MCTP1: variants seen among roughly 807,000 people sequenced by gnomAD.
MCTP1 encodes the protein multiple C2 and transmembrane domain containing 1, also known as multiple C2 and transmembrane domain-containing protein 1.
In MCTP1, 69 loss-of-function variants were observed where a neutral mutation model predicts 120.6. That is an observed-to-expected ratio of 0.57 (90% CI 0.47 to 0.70). MCTP1 has a LOEUF of 0.70. Among genes scored for constraint, MCTP1 ranks in the 30% least tolerant of loss-of-function variants. The probability of loss-of-function intolerance (pLI) is 0.00; values close to 1 mark genes in which losing one functional copy is unlikely to be tolerated. For missense variants in MCTP1, 1,203 were observed against 1,248.8 expected (o/e 0.96, Z 0.55); for synonymous variants, 529 against 493.1 (o/e 1.07, Z -0.96).
intron 1 of MCTP1, among the ~76,000 whole-genome samples, chr5:95,109,603 C>T (rs530373179): frequency 7.2e-5 from 11 of 152,170 alleles, no homozygotes; most frequent in African/African-American, 2.6e-4. Flanking sequence ...AAGTTCAAGT[C>T]TAATTTTATA....
Position 94,779,448 on chromosome 5 carries a change from C to T in MCTP1, c.2557-285G>A, listed in dbSNP as rs549108436. Among the ~76,000 whole-genome samples the T allele has an allele frequency of 4.3e-4, 65 of 152,190 alleles. No individual in the cohort carries two copies. In the South Asian group the frequency reaches 6.8e-3, roughly 16 times the overall value. On this transcript the variant is annotated intron_variant, in intron 18 of 22. Transcript: ENST00000515393. The stretch of plus-strand genomic sequence containing the variant: ...TAAACCAATATTAATTTGGGGGATG[C>T]TTTAAATCAGGAAATTTCCCTTCTA...
At chr5:94,885,980 CTT>C (rs376528184) in intron 12 of MCTP1, among the ~76,000 whole-genome samples, 4 of 152,116 alleles carry the variant, frequency 2.6e-5, no homozygotes, top group African/African-American at 4.8e-5. Context: ...GAGTTAATCT[CTT>C]TTTTAAATCT....
intron 19 of MCTP1, among the ~76,000 whole-genome samples, chr5:94,778,656 C>T (rs984182175): frequency 6.6e-6 from 1 of 152,286 alleles, no homozygotes; most frequent in East Asian, 1.9e-4. Context: ...TCCTCTGGAG[C>T]ACTCGGCACA....
At chr5:95,088,439 A>G (rs921315101) in intron 1 of MCTP1, among the ~76,000 whole-genome samples, 21 of 152,246 alleles carry the variant, frequency 1.4e-4, no homozygotes, top group African/African-American at 4.8e-4. Context: ...AATCATTGGC[A>G]CCATGGAGCA....
rs113042788 is a variant in MCTP1 at position 95,157,084 on chromosome 5, A to T, written c.720+126772T>A. ...TTATAATTTACTCTGTGGCCCTAAT[A>T]CTTTTTTGAAGTAGTTATGTGAAAA... On this transcript the variant is annotated intron_variant, in intron 1 of 22. Transcript: ENST00000515393. 6.7e-3 allele frequency among the ~76,000 whole-genome samples: 1,021 copies of T among 152,294 alleles called. 10 individuals carry two copies. The highest frequency in any genetic ancestry group is 0.024 in the African/African-American group (993 of 41,556).
chr5:95,152,599 G>A (rs1441081766), intron 1 of MCTP1, among the ~76,000 whole-genome samples: 1 of 152,170 alleles, frequency 6.6e-6, no homozygotes, highest in Non-Finnish European at 1.5e-5. Context: ...ATTAACGAGG[G>A]TTATCGTTAA....
chr5:94,725,846 T>C (rs1015238939), intron 19 of MCTP1, among the ~76,000 whole-genome samples: 3 of 152,204 alleles, frequency 2.0e-5, no homozygotes, highest in African/African-American at 7.2e-5. Context: ...ATTGAAGCCA[T>C]AAAATCCATA....
At chr5:94,879,305 A>G (rs1363334310) in intron 12 of MCTP1, among the ~76,000 whole-genome samples, 1 of 152,134 alleles carries the variant, frequency 6.6e-6, no homozygotes. Flanking sequence ...ATCAATAGCT[A>G]TATTTAAATG....
intron 1 of MCTP1, among the ~76,000 whole-genome samples, chr5:95,212,224 G>A (rs182235235): frequency 2.0e-4 from 30 of 152,220 alleles, no homozygotes; most frequent in African/African-American, 4.6e-4. Context: ...TACCATCAGC[G>A]AATACTACAA....
intron 1 of MCTP1, among the ~76,000 whole-genome samples, chr5:95,146,072 T>C (rs1353761943): frequency 6.6e-6 from 1 of 152,116 alleles, no homozygotes; most frequent in Admixed American, 6.6e-5. Context: ...TTGTTATTGG[T>C]CCGTTCAGAT....
At chr5:94,711,155 G>C (rs553854061) in intron 20 of MCTP1, among the ~76,000 whole-genome samples, 2 of 152,164 alleles carry the variant, frequency 1.3e-5, no homozygotes, top group Admixed American at 1.3e-4. Context: ...ATTGTTCCAG[G>C]TGACTTCAGA....
intron 17 of MCTP1, among the ~76,000 whole-genome samples, chr5:94,852,312 T>C (rs550081090): frequency 2.0e-5 from 3 of 152,010 alleles, no homozygotes; most frequent in Admixed American, 2.0e-4. Context: ...GAATTATTAA[T>C]TAAGGGTAAA....
intron 1 of MCTP1, among the ~76,000 whole-genome samples, chr5:95,097,609 C>A (rs535907415): frequency 2.0e-4 from 30 of 152,252 alleles, no homozygotes; most frequent in Admixed American, 1.8e-3. Flanking sequence ...TGGTTTCCAT[C>A]ATGGGAAGTT....
Position 95,090,531 on chromosome 5 carries a change from T to C in MCTP1, c.721-73047A>G, listed in dbSNP as rs1162730015. 1.2e-4 allele frequency among the ~76,000 whole-genome samples: 19 copies of C among 152,304 alleles called. 1 individual carries two copies. In the East Asian group the frequency reaches 3.7e-3, roughly 29 times the overall value. On this transcript the variant is annotated intron_variant, in intron 1 of 22. Transcript: ENST00000515393. ...TTCACAAGGCAGAGCAGGTATGCAG[T>C]GCACAGATACACGTGGAGTTGTGCG...
chr5:95,126,032 A>C (rs966355407), intron 1 of MCTP1, among the ~76,000 whole-genome samples: 1 of 152,236 alleles, frequency 6.6e-6, no homozygotes, highest in Non-Finnish European at 1.5e-5. Context: ...AAAAAATTTC[A>C]GTAAAGAACA....
chr5:94,948,526 G>A (rs185400644), intron 3 of MCTP1, among the ~76,000 whole-genome samples: 23 of 152,172 alleles, frequency 1.5e-4, no homozygotes, highest in Admixed American at 1.1e-3. Flanking sequence ...TTTGAATCAT[G>A]TGAAACAAAA....
chr5:94,802,842 T>G (rs1324230560), intron 17 of MCTP1, among the ~76,000 whole-genome samples: 3 of 152,214 alleles, frequency 2.0e-5, no homozygotes, highest in Non-Finnish European at 4.4e-5. Context: ...TTTCTGGAAT[T>G]GCTTTTTGCC....
chr5:95,284,476 T>C lies in MCTP1; in HGVS notation c.100A>G (p.Arg34Gly). 1 of 1,392,238 alleles carries C rather than the reference T, an allele frequency of 7.2e-7. No individual in the cohort carries two copies. Among genetic ancestry groups the C allele is most frequent in the African/African-American group, 1.5e-5 (1 of 67,328 alleles). The allele number at this position is 1,392,238 out of a possible 1,614,324, so 86.2% of individuals were successfully genotyped here. A position where few individuals can be genotyped will look rare whatever the true frequency, so the allele number is the denominator to read the frequency against. The part of the protein sequence containing the change: ...LWKNLQLGVG[R>G]SKGGGGGRAG... ...CGCCCGCCCCCGCCGCCCTTGCTCC[T>C]GCCCACCCCCAGCTGCAGGTTCTTC... Residue 34 changes from arginine (R) to glycine (G), a missense_variant, in exon 1 of 23, where the codon AGG (arginine) becomes GGG (glycine). Coordinates refer to ENST00000515393, the MANE Select transcript of MCTP1 (RefSeq NM_024717.7). This position sits in a 1 kb window ranked among gnomAD's most constrained non-coding sequence, Gnocchi z 5.2.
At chr5:94,914,609 C>T (rs1045539085) in intron 8 of MCTP1, among the ~76,000 whole-genome samples, 14 of 151,890 alleles carry the variant, frequency 9.2e-5, no homozygotes, top group African/African-American at 2.7e-4. Context: ...TGAATATCAA[C>T]GCAGGCTTTT....
Sources: allele counts gnomAD v4.1 joint callset (sites outside exome capture counted in the v4.1 genomes callset), GRCh38; gene constraint gnomAD v4.1.1; non-coding constraint Gnocchi (gnomAD v3.1); transcripts MANE v1.5; gene names NCBI Gene and HGNC (gene_info 2026-07-23, HGNC 2026-07-21).